UPP1: variants seen among roughly 807,000 people sequenced by gnomAD.
UPP1 encodes uridine phosphorylase 1.
In UPP1, 25 loss-of-function variants were observed where a neutral mutation model predicts 29.6. The ratio of observed to expected loss-of-function variants is 0.85; its 90% CI spans 0.62 to 1.18. The LOEUF is 1.18. Ranked by LOEUF, UPP1 falls within the 50% of genes most tolerant of loss-of-function variation. The pLI, the probability that UPP1 is intolerant of heterozygous loss-of-function variation, is 0.00. For missense variants in UPP1, 368 were observed against 410.4 expected, an observed-to-expected ratio of 0.90 and a Z score of 0.89; for synonymous variants, 165 against 159.8, an observed-to-expected ratio of 1.03 and a Z score of -0.25.
In UPP1 at chr7:48,103,906, AT is replaced by A. The variant is rs60570342; in HGVS notation, c.436+505del. The stretch of plus-strand genomic sequence containing the variant: ...AAATGTCCCTATCCTCAACAGGGAC[AT>A]TTTTTTTTTGTTTAAAAAACAAAGA... On this transcript the variant is annotated intron_variant, in intron 6 of 8. Coordinates refer to ENST00000395564, the MANE Select transcript of UPP1 (RefSeq NM_003364.4). 5.3e-3 allele frequency: 5,943 copies of A among 1,117,028 alleles called. 50 individuals are homozygous for A. The highest frequency in any genetic ancestry group is 0.042 in the African/African-American group (2,559 of 60,730). The allele number at this position is 1,117,028 out of a possible 1,614,324, so 69.2% of individuals were successfully genotyped here.
chr7:48,103,017 G>A (rs1792515891), intron 5 of UPP1, among the ~76,000 whole-genome samples: 1 of 152,150 alleles, frequency 6.6e-6, no homozygotes. Context: ...TTGTTACCTG[G>A]CAATAGCAGA....
chr7:48,106,824 T>G, intron 6 of UPP1, 49 bp from the exon 7 acceptor site: 1 of 1,592,812 alleles, frequency 6.3e-7, no homozygotes, highest in Non-Finnish European at 8.6e-7. Flanking sequence ...TGCTTTAATT[T>G]TATTTTGTTT....
At chr7:48,106,175 A>G (rs1369492525) in intron 6 of UPP1, 1 of 152,674 alleles carries the variant, frequency 6.5e-6, no homozygotes, top group Admixed American at 6.5e-5. Context: ...TTAAATATTA[A>G]CAAGGTATGA....
At chr7:48,094,939 C>A in intron 3 of UPP1, 112 bp downstream of exon 3, 2 of 1,281,956 alleles carry the variant, frequency 1.6e-6, no homozygotes, top group Middle Eastern at 1.9e-4. Flanking sequence ...ACATTTGATG[C>A]TTGTGAAAGA....
Position 48,099,736 on chromosome 7 carries a change from C to T in UPP1, c.111C>T (p.Phe37=). ...TGAAAGAAGATATTCTCTATCATTT[C>T]AATCTCACCACTAGCAGACACAATT... ...AKMKEDILYH[F]NLTTSRHNFP... is the part of the protein sequence containing the mutation. Residue 37 remains phenylalanine, a synonymous_variant, in exon 4 of 9, where the codon TTC becomes TTT. Transcript: ENST00000395564. 6.2e-7 allele frequency: 1 copy of T among 1,613,950 alleles called. No homozygotes were observed.
intron 2 of UPP1, 106 bp downstream of exon 2, chr7:48,090,470 T>C (rs1282389789): frequency 6.6e-6 from 1 of 152,336 alleles, no homozygotes; most frequent in African/African-American, 2.4e-5. Flanking sequence ...GTCTCTGCAC[T>C]TCCCTCTCTG....
At chr7:48,091,792 G>A (rs933575430) in intron 2 of UPP1, among the ~76,000 whole-genome samples, 5 of 152,176 alleles carry the variant, frequency 3.3e-5, no homozygotes, top group African/African-American at 1.2e-4. Flanking sequence ...AAGAGAGAGT[G>A]AGGCTGGTCC....
Position 48,089,394 on chromosome 7 carries a change from A to G in UPP1, c.-223A>G, listed in dbSNP as rs917316534. The G allele has an allele frequency of 3.9e-5, 6 of 152,254 alleles. No individual in the cohort carries two copies. The highest frequency in any genetic ancestry group is 1.2e-4 in the African/African-American group (5 of 41,402). The allele number at this position is 152,254 out of a possible 1,614,324, so 9.4% of individuals were successfully genotyped here. On this transcript the variant is annotated 5_prime_UTR_variant, in exon 1 of 9. An upstream open reading frame in the 5' UTR loses its in-frame stop. Coordinates refer to ENST00000395564, the MANE Select transcript of UPP1 (RefSeq NM_003364.4). ...AGTGCGAGGATGGCGCCGCGGGTGT[A>G]GCGGCTCTCTGCGCAGGCCGAGTGG... is the stretch of plus-strand genomic sequence containing the variant.
chr7:48,102,620 C>T (rs1295459036), intron 5 of UPP1, among the ~76,000 whole-genome samples: 14 of 152,166 alleles, frequency 9.2e-5, no homozygotes, highest in Admixed American at 8.5e-4. Flanking sequence ...ATAATCTGCG[C>T]AAGCCTTTCC....
chr7:48,096,853 C>T (rs561491170), intron 3 of UPP1, among the ~76,000 whole-genome samples: 11 of 152,226 alleles, frequency 7.2e-5, no homozygotes, highest in African/African-American at 2.4e-4. Context: ...GCATGCACCA[C>T]CACACCCAGC....
chr7:48,093,578 C>G (rs562040550), intron 2 of UPP1, among the ~76,000 whole-genome samples: 2 of 152,208 alleles, frequency 1.3e-5, no homozygotes, highest in Non-Finnish European at 2.9e-5. Flanking sequence ...AAACGTGAGT[C>G]TCACCCTCCT....
Position 48,108,427 on chromosome 7 carries a change from T to C in UPP1, c.*70T>C, listed in dbSNP as rs574556605. On this transcript the variant is annotated 3_prime_UTR_variant, in exon 9 of 9. Transcript: ENST00000395564. ...TAAAAGCATTGTCCAAAATCCCCTG[T>C]TGTGTGGACTTTGAGCACACTTTAC... is the stretch of plus-strand genomic sequence containing the variant. The C allele has an allele frequency of 2.0e-6, 3 of 1,530,396 alleles. No homozygotes were observed. The South Asian group carries it at 3.8e-5, about 19-fold the overall frequency. The allele number at this position is 1,530,396 out of a possible 1,614,324, so 94.8% of individuals were successfully genotyped here.
rs367681730 is a variant in UPP1 at position 48,106,249 on chromosome 7, C to T, written c.437-624C>T. 1.1e-3 allele frequency: 176 copies of T among 154,978 alleles called. 1 individual carries two copies. The highest frequency in any genetic ancestry group is 0.01 in the Middle Eastern group (3 of 294). 9.6% of individuals were successfully genotyped at this position (154,978 alleles called of 1,614,324 possible). A position where few individuals can be genotyped will look rare whatever the true frequency, so the allele number is the denominator to read the frequency against. Reference sequence around the variant, plus strand: ...GTGACAGACAACAGTGGGAAATCGCCGTGAATGGAAGCAAGAAATATGGGA... The same window carrying T: ...GTGACAGACAACAGTGGGAAATCGCTGTGAATGGAAGCAAGAAATATGGGA... On this transcript the variant is annotated intron_variant, in intron 6 of 8. Coordinates refer to ENST00000395564, the MANE Select transcript of UPP1 (RefSeq NM_003364.4).
At chr7:48,102,887 T>A (rs1792510129) in intron 5 of UPP1, among the ~76,000 whole-genome samples, 2 of 152,122 alleles carry the variant, frequency 1.3e-5, no homozygotes, top group African/African-American at 4.8e-5. Flanking sequence ...GATTACTTAG[T>A]TTGTCTGAAG....
At position 48,108,483 on chromosome 7, in the gene UPP1, A is replaced by G; in HGVS notation, c.*126A>G. On this transcript the variant is annotated 3_prime_UTR_variant, in exon 9 of 9. Coordinates refer to ENST00000395564, the MANE Select transcript of UPP1 (RefSeq NM_003364.4). ...AATCTAGAAAATCAGATCGCGATTAAGAGACAGAGAATCTTGGATTAACCG... is the reference window on the plus strand; with the variant it reads ...AATCTAGAAAATCAGATCGCGATTAGGAGACAGAGAATCTTGGATTAACCG... The G allele has an allele frequency of 8.6e-7, 1 of 1,167,274 alleles. No homozygotes were observed. The highest frequency in any genetic ancestry group is 1.2e-6 in the Non-Finnish European group (1 of 864,250). The allele number at this position is 1,167,274 out of a possible 1,614,324, so 72.3% of individuals were successfully genotyped here. A position where few individuals can be genotyped will look rare whatever the true frequency, so the allele number is the denominator to read the frequency against.
At chr7:48,106,652 A>G (rs1003245903) in intron 6 of UPP1, 2 of 527,070 alleles carry the variant, frequency 3.8e-6, no homozygotes, top group South Asian at 2.1e-5. Context: ...CATAGTGTCC[A>G]TAATGATCAT....
chr7:48,103,081 T>C (rs1792520394), intron 5 of UPP1, among the ~76,000 whole-genome samples: 1 of 152,214 alleles, frequency 6.6e-6, no homozygotes, highest in East Asian at 1.9e-4. Flanking sequence ...ATTTGACAAA[T>C]TGTGTCGATC....
At chr7:48,092,898 T>C (rs1791920296) in intron 2 of UPP1, among the ~76,000 whole-genome samples, 2 of 152,066 alleles carry the variant, frequency 1.3e-5, no homozygotes, top group Non-Finnish European at 2.9e-5. Context: ...GAGATGGAGT[T>C]TCACCATGTT....
chr7:48,104,570 A>G (rs1477524136), intron 6 of UPP1: 2 of 152,222 alleles, frequency 1.3e-5, no homozygotes, highest in East Asian at 3.9e-4. Flanking sequence ...GCAATTCTAG[A>G]ATTTAAGTGT....
Sources: allele counts gnomAD v4.1 joint callset (sites outside exome capture counted in the v4.1 genomes callset), GRCh38; gene constraint gnomAD v4.1.1; transcripts MANE v1.5; gene names NCBI Gene and HGNC (gene_info 2026-07-23, HGNC 2026-07-21).